The following SOCS6 variants were observed in gnomAD, a reference collection of about 807,000 sequenced individuals.
The protein encoded by SOCS6 is STAT induced STAT inhibitor-4.
A neutral mutation model predicts 27.7 loss-of-function variants in SOCS6; 5 were observed. The ratio of observed to expected loss-of-function variants is 0.18; its 90% CI spans 0.09 to 0.38. SOCS6 has a LOEUF of 0.38. Ranked by LOEUF, SOCS6 falls within the 10% of genes least tolerant of loss-of-function variation. SOCS6 has a pLI of 1.00. For missense variants in SOCS6, 595 were observed against 688.1 expected, an observed-to-expected ratio of 0.86 and a Z score of 1.51; for synonymous variants, 271 against 260.0, an observed-to-expected ratio of 1.04 and a Z score of -0.41.
At chr18:70,293,376 G>C (rs1482208899) in intron 1 of SOCS6, among the ~76,000 whole-genome samples, 1 of 152,120 alleles carries the variant, frequency 6.6e-6, no homozygotes, top group South Asian at 2.1e-4. Flanking sequence ...TGCCTGTAGA[G>C]CTATGATGTG....
chr18:70,317,517 T>G (rs1436408625), intron 1 of SOCS6, among the ~76,000 whole-genome samples: 1 of 27,008 alleles, frequency 3.7e-5, no homozygotes, highest in Admixed American at 5.4e-4. Flanking sequence ...CATATATACA[T>G]ACATATATAC....
Position 70,326,301 on chromosome 18 carries a change from A to C in SOCS6, c.*25A>C. 6.4e-7 allele frequency: 1 copy of C among 1,559,332 alleles called. No homozygotes were observed. The highest frequency in any genetic ancestry group is 8.7e-7 in the Non-Finnish European group (1 of 1,149,318). ...AAAGATTGAGAACCCTGCATCTTGC[A>C]CTTTGGGAATAAGAACAAGAGATTG... is the stretch of plus-strand genomic sequence containing the variant. On this transcript the variant is annotated 3_prime_UTR_variant, in exon 2 of 2. Transcript: ENST00000397942.
At chr18:70,299,934 C>T (rs985674457) in intron 1 of SOCS6, among the ~76,000 whole-genome samples, 7 of 152,052 alleles carry the variant, frequency 4.6e-5, no homozygotes, top group Non-Finnish European at 1.0e-4. Flanking sequence ...AATACTATGA[C>T]GTTTTATATA....
At chr18:70,290,265 G>T (rs774749035) in intron 1 of SOCS6, among the ~76,000 whole-genome samples, 3 of 152,140 alleles carry the variant, frequency 2.0e-5, no homozygotes, top group Non-Finnish European at 2.9e-5. Context: ...AAAAGTAAAC[G>T]TTCTACTTCA....
At chr18:70,294,193 C>G (rs947544862) in intron 1 of SOCS6, among the ~76,000 whole-genome samples, 14 of 151,916 alleles carry the variant, frequency 9.2e-5, no homozygotes, top group African/African-American at 3.4e-4. Context: ...GTATTCTACT[C>G]CTTTATCTGA....
At chr18:70,306,975 A>C (rs964120868) in intron 1 of SOCS6, among the ~76,000 whole-genome samples, 4 of 152,182 alleles carry the variant, frequency 2.6e-5, no homozygotes, top group Non-Finnish European at 5.9e-5. Context: ...TTTGTTAAGA[A>C]GTTTTGGCCA....
chr18:70,310,737 C>T (rs1417514885), intron 1 of SOCS6, among the ~76,000 whole-genome samples: 1 of 152,120 alleles, frequency 6.6e-6, no homozygotes, highest in Non-Finnish European at 1.5e-5. Flanking sequence ...AATGTGGACT[C>T]TCGTCTCCCG....
At chr18:70,311,156 C>T (rs866714181) in intron 1 of SOCS6, among the ~76,000 whole-genome samples, 1 of 152,166 alleles carries the variant, frequency 6.6e-6, no homozygotes, top group African/African-American at 2.4e-5. Flanking sequence ...TCTTAGAGCA[C>T]TTCTCACAGT....
Position 70,325,561 on chromosome 18 carries a change from A to G in SOCS6, c.893A>G (p.Gln298Arg), listed in dbSNP as rs201967435. 256 of 1,614,080 alleles carry G rather than the reference A, an allele frequency of 1.6e-4. No homozygotes were observed. The highest frequency in any genetic ancestry group is 2.1e-4 in the Non-Finnish European group (250 of 1,180,044). ...LLIGTTGVMLQSPRAGHDDVP... is the reference protein window; with the variant it reads ...LLIGTTGVMLRSPRAGHDDVP... ...ATTGGCACCACGGGAGTCATGTTGC[A>G]GAGCCCGAGAGCGGGTCACGATGAT... Residue 298 changes from glutamine to arginine, a missense_variant, in exon 2 of 2, where the codon CAG becomes CGG. By Grantham distance (43) the Gln-to-Arg change is conservative. This residue lies in a region of SOCS6 where 467 missense variants were observed against 481.1 expected (regional missense o/e 0.97). Coordinates refer to ENST00000397942, the MANE Select transcript of SOCS6 (RefSeq NM_004232.4). This position sits in a 1 kb window ranked among gnomAD's most constrained non-coding sequence, Gnocchi z 6.3.
intron 1 of SOCS6, among the ~76,000 whole-genome samples, chr18:70,312,847 C>T (rs2062395997): frequency 7.0e-6 from 1 of 143,820 alleles, no homozygotes; most frequent in African/African-American, 2.6e-5. Flanking sequence ...GATCTTGGCT[C>T]ACTGCAAACT....
intron 1 of SOCS6, among the ~76,000 whole-genome samples, chr18:70,298,668 T>G (rs2062334993): frequency 6.6e-6 from 1 of 152,208 alleles, no homozygotes; most frequent in Non-Finnish European, 1.5e-5. Context: ...GTTGCCCAGG[T>G]CTCCACTGAT....
chr18:70,303,976 A>G (rs1196102156), intron 1 of SOCS6, among the ~76,000 whole-genome samples: 1 of 152,182 alleles, frequency 6.6e-6, no homozygotes, highest in Non-Finnish European at 1.5e-5. Context: ...GTATGTGTGG[A>G]AAAATGTAAA....
At chr18:70,290,330 T>C (rs1178204822) in intron 1 of SOCS6, among the ~76,000 whole-genome samples, 2 of 152,266 alleles carry the variant, frequency 1.3e-5, no homozygotes, top group Non-Finnish European at 2.9e-5. Context: ...TATCTTGACT[T>C]GTTTTTAACC....
chr18:70,326,418 G>C lies in SOCS6; in HGVS notation c.*142G>C. 1 of 748,984 alleles carries C rather than the reference G, an allele frequency of 1.3e-6. No homozygotes were observed. The highest frequency in any genetic ancestry group is 2.2e-6 in the Non-Finnish European group (1 of 461,882). 46.4% of individuals were successfully genotyped at this position (748,984 alleles called of 1,614,324 possible). ...TGTAAAAGAGTCATCAGTTTGTTTA[G>C]GGGTGGGGAAGTGTCAGCAAGGTGT... On this transcript the variant is annotated 3_prime_UTR_variant, in exon 2 of 2. Transcript: ENST00000397942.
At chr18:70,305,725 C>T (rs942084214) in intron 1 of SOCS6, among the ~76,000 whole-genome samples, 54 of 152,272 alleles carry the variant, frequency 3.5e-4, no homozygotes, top group Non-Finnish European at 6.2e-4. Flanking sequence ...TCTCTATATT[C>T]TCTTAGCAGT....
chr18:70,316,930 G>A (rs1462160656), intron 1 of SOCS6, among the ~76,000 whole-genome samples: 1 of 152,056 alleles, frequency 6.6e-6, no homozygotes, highest in Non-Finnish European at 1.5e-5. Context: ...ATATGTCTAG[G>A]ATTTCTAGTT....
chr18:70,306,743 G>A (rs1379061111), intron 1 of SOCS6, among the ~76,000 whole-genome samples: 1 of 152,090 alleles, frequency 6.6e-6, no homozygotes, highest in Non-Finnish European at 1.5e-5. Flanking sequence ...TAATTAGTTT[G>A]AGCAAGTTTC....
Position 70,325,516 on chromosome 18 carries a change from A to T in SOCS6, c.848A>T (p.Gln283Leu). The stretch of plus-strand genomic sequence containing the variant: ...GTCGCCCCAGAGATCTTCGTGGATC[A>T]GTCCGTGAATGGCTTGTTGATTGGC... ...LVVAPEIFVD[Q>L]SVNGLLIGTT... The change falls in exon 2 of 2, where the codon CAG (glutamine) becomes CTG (leucine). Residue 283 changes from glutamine (Q) to leucine (L), a missense_variant. Physicochemically the swap from Gln to Leu is moderately radical, Grantham distance 113. Coordinates refer to ENST00000397942, the MANE Select transcript of SOCS6 (RefSeq NM_004232.4). The surrounding 1 kb of genome is among the most constrained non-coding windows in gnomAD (Gnocchi z 6.3). 1 of 1,614,148 alleles carries T rather than the reference A, an allele frequency of 6.2e-7. No homozygotes were observed. The highest frequency in any genetic ancestry group is 8.5e-7 in the Non-Finnish European group (1 of 1,180,018).
At position 70,292,148 on chromosome 18, in the gene SOCS6, C is replaced by T. The variant is rs545600140; in HGVS notation, c.-127+3058C>T. 7.9e-5 allele frequency among the ~76,000 whole-genome samples: 12 copies of T among 152,266 alleles called. No individual in the cohort carries two copies. The East Asian group carries it at 2.1e-3, about 27-fold the overall frequency. On this transcript the variant is annotated intron_variant, in intron 1 of 1. Transcript: ENST00000397942. ...GCCGTTGGTCTTGATGTTTCGAGAACAGACATACTTAGATAAAGTCACGTA... is the reference window on the plus strand; with the variant it reads ...GCCGTTGGTCTTGATGTTTCGAGAATAGACATACTTAGATAAAGTCACGTA...
Sources: allele counts gnomAD v4.1 joint callset (sites outside exome capture counted in the v4.1 genomes callset), GRCh38; gene constraint gnomAD v4.1.1; regional missense constraint gnomAD v4.1.1; non-coding constraint Gnocchi (gnomAD v3.1); transcripts MANE v1.5; gene names NCBI Gene and HGNC (gene_info 2026-07-23, HGNC 2026-07-21).